Variants in RUNX1 observed in about 807,000 individuals in gnomAD.
RUNX1 encodes RUNX family transcription factor 1.
Under a neutral mutation model 42.8 loss-of-function variants are expected in RUNX1, and 19 were observed. That is an observed-to-expected ratio of 0.44 (90% CI 0.31 to 0.65). The LOEUF (loss-of-function observed/expected upper bound fraction) is 0.65. Among genes scored for constraint, RUNX1 ranks in the 30% least tolerant of loss-of-function variants. The probability of loss-of-function intolerance (pLI) is 0.07; values close to 1 mark genes in which losing one functional copy is unlikely to be tolerated. For synonymous variants in RUNX1, 271 were observed against 289.4 expected (o/e 0.94, Z 0.64); for missense variants, 528 against 672.0 (o/e 0.79, Z 2.37).
chr21:34,883,038 C>T (rs1263449014), intron 4 of RUNX1, among the ~76,000 whole-genome samples: 2 of 152,132 alleles, frequency 1.3e-5, no homozygotes, highest in Non-Finnish European at 2.9e-5. Flanking sequence ...AATTATCTGC[C>T]TCCTACTGCT....
rs2146236240 is a variant in RUNX1 at position 34,859,547 on chromosome 21, G to C, written c.540C>G (p.Phe180Leu). ...AGGTGGCGACTTGCGGTGGGTTTGT[G>C]AAGACAGTGATGGTCAGAGTGAAGC... The part of the protein sequence containing the change: ...GKSFTLTITV[F>L]TNPPQVATYH... The change falls in exon 6 of 9, where the codon TTC becomes TTG. Residue 180 changes from phenylalanine to leucine, a missense_variant. Physicochemically the swap from Phe to Leu is conservative, Grantham distance 22. Around this residue, in one of 3 missense-constraint regions of RUNX1, gnomAD observed 83 missense variants for 174.5 expected, o/e 0.48. Coordinates refer to ENST00000675419, the MANE Select transcript of RUNX1 (RefSeq NM_001754.5). 1 of 1,614,198 alleles carries C rather than the reference G, an allele frequency of 6.2e-7. No homozygotes were observed. Among genetic ancestry groups the C allele is most frequent in the East Asian group, 2.2e-5 (1 of 44,874 alleles).
At chr21:34,931,505 A>T (rs1009711858) in intron 2 of RUNX1, among the ~76,000 whole-genome samples, 25 of 143,306 alleles carry the variant, frequency 1.7e-4, no homozygotes, top group Non-Finnish European at 3.4e-4. Flanking sequence ...TATTATGCAC[A>T]TGTATATGTA....
At chr21:34,828,457 T>C (rs552634783) in intron 7 of RUNX1, among the ~76,000 whole-genome samples, 1 of 152,266 alleles carries the variant, frequency 6.6e-6, no homozygotes, top group Non-Finnish European at 1.5e-5. Context: ...GACAAGACTT[T>C]GGACTTTCGA....
At chr21:34,942,332 C>A (rs2058533628) in intron 2 of RUNX1, among the ~76,000 whole-genome samples, 2 of 151,726 alleles carry the variant, frequency 1.3e-5, no homozygotes, top group African/African-American at 2.4e-5. Context: ...AAAAAAAAAT[C>A]ATTTGCCTGT....
At chr21:34,976,630 G>A (rs911181583) in intron 2 of RUNX1, among the ~76,000 whole-genome samples, 3 of 152,098 alleles carry the variant, frequency 2.0e-5, no homozygotes, top group African/African-American at 2.4e-5. Flanking sequence ...AAGGGAGGAC[G>A]GATACAATCT....
At chr21:35,016,483 T>C (rs1022235391) in intron 2 of RUNX1, among the ~76,000 whole-genome samples, 4 of 152,146 alleles carry the variant, frequency 2.6e-5, no homozygotes, top group Non-Finnish European at 5.9e-5. Context: ...GCAGAAGTAA[T>C]TGGAGATCTG....
chr21:34,938,885 G>C (rs1275074944), intron 2 of RUNX1, among the ~76,000 whole-genome samples: 6 of 152,130 alleles, frequency 3.9e-5, no homozygotes, highest in Non-Finnish European at 5.9e-5. Context: ...GGTAAAATGT[G>C]ATCTTGGTTT....
chr21:34,887,314 G>T, intron 3 of RUNX1: 1 of 1,457,102 alleles, frequency 6.9e-7, no homozygotes, highest in Non-Finnish European at 9.0e-7. Flanking sequence ...AAAACGTTCT[G>T]GTTCTGCGGA....
At chr21:34,987,095 G>A (rs2834716) in intron 2 of RUNX1, among the ~76,000 whole-genome samples, 53,736 of 152,092 alleles carry the variant, frequency 0.35, 9,473 homozygotes, top group East Asian at 0.41. Context: ...TCTGACTTAC[G>A]GCTTTGTTAC....
rs148400186 is a variant in RUNX1, at chr21:34,828,870, G to A, written c.805+5540C>T. Among the ~76,000 whole-genome samples, 428 of 152,274 alleles carry A rather than the reference G, an allele frequency of 2.8e-3. 2 individuals are homozygous for A. The highest frequency in any genetic ancestry group is 0.018 in the East Asian group (93 of 5,182). On this transcript the variant is annotated intron_variant, in intron 7 of 8. Transcript: ENST00000675419. ...TTCCCAGCCTCCATAGCCATGAGCC[G>A]AATAAACTTTTCTTTATATATTACC... is the stretch of plus-strand genomic sequence containing the variant.
intron 6 of RUNX1, among the ~76,000 whole-genome samples, chr21:34,842,607 T>G (rs1443089005): frequency 6.6e-6 from 1 of 152,180 alleles, no homozygotes; most frequent in South Asian, 2.1e-4. Flanking sequence ...AGTGGCACTC[T>G]GACATAAGCA....
chr21:34,858,007 T>C (rs1421268361), intron 6 of RUNX1, among the ~76,000 whole-genome samples: 6 of 151,842 alleles, frequency 4.0e-5, no homozygotes, highest in Non-Finnish European at 7.4e-5. Flanking sequence ...TGGGGAAAAA[T>C]GCAGTCAGAT....
At chr21:34,813,108 C>T (rs1230742596) in intron 7 of RUNX1, among the ~76,000 whole-genome samples, 1 of 152,082 alleles carries the variant, frequency 6.6e-6, no homozygotes, top group Non-Finnish European at 1.5e-5. Flanking sequence ...ATTTCTCCTC[C>T]AGGGGATTTC....
intron 5 of RUNX1, among the ~76,000 whole-genome samples, chr21:34,873,375 G>A (rs549004246): frequency 6.6e-6 from 1 of 152,208 alleles, no homozygotes; most frequent in Non-Finnish European, 1.5e-5. Flanking sequence ...ATAGGTGATG[G>A]GGGAGGTGGG....
At chr21:34,993,429 CT>C (rs1486518936) in intron 2 of RUNX1, among the ~76,000 whole-genome samples, 4 of 151,970 alleles carry the variant, frequency 2.6e-5, no homozygotes, top group Non-Finnish European at 4.4e-5. Flanking sequence ...TTTGATTTGC[CT>C]TTTCAGGTAA....
chr21:34,882,455 G>C (rs950023205), intron 4 of RUNX1, among the ~76,000 whole-genome samples: 1 of 152,046 alleles, frequency 6.6e-6, no homozygotes, highest in Non-Finnish European at 1.5e-5. Flanking sequence ...ACAAGGTCTG[G>C]GCCTTTTCTC....
chr21:34,842,558 T>C (rs1007867768), intron 6 of RUNX1, among the ~76,000 whole-genome samples: 1 of 126,172 alleles, frequency 7.9e-6, no homozygotes, highest in Non-Finnish European at 1.7e-5. Context: ...TAGTGAAAAA[T>C]CAAAAAGAAT....
chr21:34,925,471 C>A (rs1322716221), intron 2 of RUNX1, among the ~76,000 whole-genome samples: 1 of 152,152 alleles, frequency 6.6e-6, no homozygotes, highest in Admixed American at 6.5e-5. Context: ...AAGACACAGA[C>A]ACAATGGGAG....
chr21:34,954,038 C>T (rs1349993587), intron 2 of RUNX1, among the ~76,000 whole-genome samples: 1 of 152,226 alleles, frequency 6.6e-6, no homozygotes, highest in African/African-American at 2.4e-5. Context: ...AAAGCATTGA[C>T]TAGTCATAGA....
Sources: gnomAD v4.1 joint callset for allele counts (sites outside exome capture counted in the v4.1 genomes callset) on GRCh38, gnomAD v4.1.1 for gene constraint, gnomAD v4.1.1 regional missense constraint, MANE v1.5 for transcripts, NCBI Gene and HGNC (gene_info 2026-07-23, HGNC 2026-07-21) for gene names.